SETBP1: variants seen among roughly 807,000 people sequenced by gnomAD.
SETBP1 encodes the protein SET binding protein 1, also known as SET-binding protein.
A neutral mutation model predicts 101.0 loss-of-function variants in SETBP1; 9 were observed. The observed-to-expected ratio is 0.09, with a 90% CI of 0.05 to 0.16. The LOEUF (loss-of-function observed/expected upper bound fraction) is 0.16, where lower values mean the gene tolerates loss of function less well. Ranked by LOEUF, SETBP1 falls within the 10% of genes least tolerant of loss-of-function variation. The pLI is 1.00. For synonymous variants in SETBP1, 818 were observed against 788.5 expected (o/e 1.04, Z -0.63); for missense variants, 1,858 against 2,033.8 (o/e 0.91, Z 1.66).
intron 4 of SETBP1, among the ~76,000 whole-genome samples, chr18:45,024,717 C>T (rs2073131963): frequency 1.3e-5 from 2 of 152,228 alleles, no homozygotes; most frequent in South Asian, 4.1e-4. Context: ...CCAAATCAGA[C>T]TTACTTTGGA....
chr18:44,861,500 T>A (rs1027475727), intron 2 of SETBP1, among the ~76,000 whole-genome samples: 2 of 151,978 alleles, frequency 1.3e-5, no homozygotes, highest in African/African-American at 4.8e-5. Context: ...CCAAAGTGGA[T>A]TTCTTATTCA....
chr18:44,726,482 T>G (rs1388380060), intron 2 of SETBP1, among the ~76,000 whole-genome samples: 1 of 152,242 alleles, frequency 6.6e-6, no homozygotes. Flanking sequence ...ATGAGTTAAC[T>G]GGCATGGGGA....
At chr18:44,923,162 T>C (rs1207431152) in intron 3 of SETBP1, among the ~76,000 whole-genome samples, 1 of 151,634 alleles carries the variant, frequency 6.6e-6, no homozygotes, top group Non-Finnish European at 1.5e-5. Flanking sequence ...GTTTTATATT[T>C]GAGGAAACAT....
intron 4 of SETBP1, among the ~76,000 whole-genome samples, chr18:44,975,137 GT>G (rs2071957819): frequency 6.6e-6 from 1 of 152,164 alleles, no homozygotes; most frequent in Non-Finnish European, 1.5e-5. Flanking sequence ...GCCCTCTTCC[GT>G]TTTAATGTTC....
At chr18:44,693,291 G>A (rs984074289) in intron 1 of SETBP1, among the ~76,000 whole-genome samples, 3 of 152,138 alleles carry the variant, frequency 2.0e-5, no homozygotes, top group Non-Finnish European at 4.4e-5. Context: ...CCAAGCCCTG[G>A]GGGTGACCAT....
intron 4 of SETBP1, among the ~76,000 whole-genome samples, chr18:45,004,897 T>C (rs2072692867): frequency 6.6e-6 from 1 of 152,224 alleles, no homozygotes; most frequent in Non-Finnish European, 1.5e-5. Flanking sequence ...TTAATTGACA[T>C]TGGGAGTGAT....
At chr18:45,035,422 T>C (rs2073377325) in intron 4 of SETBP1, among the ~76,000 whole-genome samples, 1 of 152,328 alleles carries the variant, frequency 6.6e-6, no homozygotes, top group African/African-American at 2.4e-5. Context: ...ATGTTTTAAA[T>C]ATCATTTTAT....
chr18:44,746,185 C>T (rs1036755207), intron 2 of SETBP1, among the ~76,000 whole-genome samples: 1 of 152,112 alleles, frequency 6.6e-6, no homozygotes, highest in African/African-American at 2.4e-5. Flanking sequence ...GGAGAGATGA[C>T]AGAGGTGGAA....
intron 2 of SETBP1, among the ~76,000 whole-genome samples, chr18:44,816,830 A>C (rs1295654328): frequency 3.9e-5 from 6 of 151,970 alleles, no homozygotes; most frequent in Admixed American, 2.6e-4. Context: ...CACTTTCTGC[A>C]CCTCCCTTCC....
intron 2 of SETBP1, among the ~76,000 whole-genome samples, chr18:44,781,945 C>G (rs922015290): frequency 6.6e-6 from 1 of 152,238 alleles, no homozygotes; most frequent in Non-Finnish European, 1.5e-5. Flanking sequence ...ACAACTCTCA[C>G]TATTTGCAAC....
At chr18:44,824,272 A>G (rs1599177993) in intron 2 of SETBP1, among the ~76,000 whole-genome samples, 1 of 152,014 alleles carries the variant, frequency 6.6e-6, no homozygotes, top group African/African-American at 2.4e-5. Context: ...CCTTGAGCCC[A>G]CCCAACAGTG....
At chr18:44,935,653 G>T (rs2070940754) in intron 3 of SETBP1, among the ~76,000 whole-genome samples, 1 of 152,160 alleles carries the variant, frequency 6.6e-6, no homozygotes, top group African/African-American at 2.4e-5. Context: ...AGAGTCCTGG[G>T]CCCCAACCCA....
intron 3 of SETBP1, among the ~76,000 whole-genome samples, chr18:44,880,832 C>A (rs990413214): frequency 2.0e-5 from 3 of 152,270 alleles, no homozygotes; most frequent in African/African-American, 4.8e-5. Flanking sequence ...ATGGTCCAAA[C>A]ACCTCCCACA....
chr18:45,039,077 T>C (rs1027501638), intron 5 of SETBP1, among the ~76,000 whole-genome samples: 33 of 152,126 alleles, frequency 2.2e-4, no homozygotes, highest in African/African-American at 7.7e-4. Context: ...CCCAAGAACC[T>C]GTGGACAGTC....
At chr18:44,773,836 T>TTGTGTGTG (rs1280926160) in intron 2 of SETBP1, among the ~76,000 whole-genome samples, 1 of 36,336 alleles carries the variant, frequency 2.8e-5, no homozygotes. Context: ...CTCTCTCTGT[T>TTGTGTGTG]TATGTGTGTG....
chr18:44,879,369 T>G (rs2069480424), intron 3 of SETBP1, among the ~76,000 whole-genome samples: 1 of 152,170 alleles, frequency 6.6e-6, no homozygotes, highest in Non-Finnish European at 1.5e-5. Flanking sequence ...GAGTCATCCT[T>G]AGTAGAGGAA....
intron 3 of SETBP1, among the ~76,000 whole-genome samples, chr18:44,918,163 C>G (rs574643253): frequency 6.6e-6 from 1 of 152,348 alleles, no homozygotes; most frequent in African/African-American, 2.4e-5. Flanking sequence ...CACATATAGT[C>G]TACTTCAAAA....
upstream of SETBP1, among the ~76,000 whole-genome samples, chr18:44,680,683 G>A (rs1053712958): frequency 5.3e-5 from 8 of 152,106 alleles, no homozygotes; most frequent in African/African-American, 1.9e-4. Flanking sequence ...GGCGGCGATG[G>A]TGGAAGCTTT....
intron 2 of SETBP1, among the ~76,000 whole-genome samples, chr18:44,716,978 T>G (rs1456014762): frequency 6.6e-6 from 1 of 152,194 alleles, no homozygotes; most frequent in East Asian, 1.9e-4. Context: ...AGCTGAGAAC[T>G]TTGCCAAGCA....
Sources: allele counts gnomAD v4.1 joint callset (sites outside exome capture counted in the v4.1 genomes callset), GRCh38; gene constraint gnomAD v4.1.1; transcripts MANE v1.5; gene names NCBI Gene and HGNC (gene_info 2026-07-23, HGNC 2026-07-21).